CD99: variants seen among roughly 807,000 people sequenced by gnomAD.
CD99 encodes CD99 molecule (Xg blood group), also known as CD99 antigen.
A neutral mutation model predicts 28.4 loss-of-function variants in CD99; 19 were observed. The ratio of observed to expected loss-of-function variants is 0.67; its 90% confidence interval spans 0.47 to 0.98. The LOEUF (loss-of-function observed/expected upper bound fraction) is 0.98, where lower values mean the gene tolerates loss of function less well. CD99 is among the 50% of genes least tolerant of loss of function. The pLI is 0.00. For missense variants in CD99, 283 were observed against 248.8 expected (o/e 1.14, Z -0.92); for synonymous variants, 103 against 92.1 (o/e 1.12, Z -0.67).
At chrX:2,691,535 C>G (rs1456462905) in intron 1 of CD99, 108 bp downstream of exon 1, 3 of 1,248,866 alleles carry the variant, frequency 2.4e-6, no homozygotes, top group Non-Finnish European at 3.4e-6. Flanking sequence ...CACCCGGAGC[C>G]TCCTCCCTGC....
intron 1 of CD99, among the ~76,000 whole-genome samples, chrX:2,705,513 A>G (rs939311326): frequency 2.0e-5 from 3 of 152,176 alleles, no homozygotes; most frequent in Non-Finnish European, 4.4e-5. Context: ...GCGGTTGCAC[A>G]TGGTGTCTTG....
intron 1 of CD99, among the ~76,000 whole-genome samples, chrX:2,693,432 C>G (rs2047427293): frequency 2.0e-5 from 3 of 152,126 alleles, no homozygotes; most frequent in Admixed American, 2.0e-4. Context: ...GCCGTCAGCA[C>G]TGATGGATCT....
intron 1 of CD99, among the ~76,000 whole-genome samples, chrX:2,697,272 C>T (rs781114908): frequency 4.2e-4 from 64 of 152,196 alleles, no homozygotes; most frequent in Non-Finnish European, 7.2e-4. Context: ...TGAATGGTGT[C>T]GTGGGCTGGG....
chrX:2,691,478 G>T (rs765532414), intron 1 of CD99, 51 bp downstream of exon 1: 3 of 1,540,772 alleles, frequency 1.9e-6, no homozygotes, highest in East Asian at 2.4e-5. Context: ...CGCGGGCCGG[G>T]ACTGGGGATC....
intron 1 of CD99, among the ~76,000 whole-genome samples, chrX:2,699,961 A>G (rs1003664509): frequency 1.1e-4 from 16 of 152,294 alleles, no homozygotes; most frequent in Middle Eastern, 3.4e-3. Flanking sequence ...AGCCCTTAAG[A>G]TATTTCTCAT....
chrX:2,695,479 A>G (rs1263774035), intron 1 of CD99, among the ~76,000 whole-genome samples: 3 of 151,898 alleles, frequency 2.0e-5, no homozygotes, highest in Non-Finnish European at 4.4e-5. Flanking sequence ...GGGTGCAATC[A>G]GGGCTCACTA....
chrX:2,716,534 C>G (rs1428002493), intron 2 of CD99, among the ~76,000 whole-genome samples: 3 of 152,036 alleles, frequency 2.0e-5, no homozygotes, highest in Non-Finnish European at 2.9e-5. Flanking sequence ...CTGTGTTGCT[C>G]AGATTGGAGT....
At chrX:2,716,326 A>G (rs2048714587) in intron 2 of CD99, among the ~76,000 whole-genome samples, 1 of 145,188 alleles carries the variant, frequency 6.9e-6, no homozygotes, top group Non-Finnish European at 1.5e-5. Flanking sequence ...CACCCTCTTC[A>G]CTTTTTTATG....
Position 2,719,663 on chromosome X carries a change from G to A in CD99, c.151G>A (p.Asp51Asn). ...TAIPKKPSAGDDFDLGDAVVD... is the reference protein window; with the variant it reads ...TAIPKKPSAGNDFDLGDAVVD... ...AACTGCTCTTTCCCCTCTTTTAGGG[G>A]ATGACTTTGACTTAGGAGATGCTGT... is the stretch of plus-strand genomic sequence containing the variant. The change falls in exon 4 of 10, where the codon GAT (aspartate) becomes AAT (asparagine). Residue 51 changes from aspartate (D) to asparagine (N), a missense_variant and splice_region_variant. By Grantham distance (23) the Asp-to-Asn change is conservative. Coordinates refer to ENST00000381192, the MANE Select transcript of CD99 (RefSeq NM_002414.5). The A allele has an allele frequency of 1.2e-6, 2 of 1,613,840 alleles. No homozygotes were observed. Among genetic ancestry groups the A allele is most frequent in the South Asian group, 1.1e-5 (1 of 91,072 alleles).
chrX:2,705,610 T>C (rs2048076303), intron 1 of CD99, among the ~76,000 whole-genome samples: 1 of 152,196 alleles, frequency 6.6e-6, no homozygotes, highest in Non-Finnish European at 1.5e-5. Context: ...AGAACACTTA[T>C]TCAGAATGGG....
At chrX:2,697,902 A>G (rs1481099116) in intron 1 of CD99, among the ~76,000 whole-genome samples, 1 of 151,888 alleles carries the variant, frequency 6.6e-6, no homozygotes, top group Non-Finnish European at 1.5e-5. Context: ...ATAGCAGGAC[A>G]GGGAGGGATT....
intron 1 of CD99, among the ~76,000 whole-genome samples, chrX:2,712,372 T>A (rs1001788029): frequency 2.6e-5 from 4 of 152,130 alleles, no homozygotes; most frequent in African/African-American, 9.7e-5. Context: ...AGACAGTAGC[T>A]TTGAACTGTT....
At chrX:2,705,916 C>T (rs2124506681) in intron 1 of CD99, among the ~76,000 whole-genome samples, 1 of 152,194 alleles carries the variant, frequency 6.6e-6, no homozygotes, top group East Asian at 1.9e-4. Context: ...GTGCTTGCTC[C>T]AATGTGGAGG....
In CD99 at chrX:2,717,599, C is replaced by A; in HGVS notation, c.101-6C>A. 6.2e-7 allele frequency: 1 copy of A among 1,612,510 alleles called. No homozygotes were observed. The highest frequency in any genetic ancestry group is 8.5e-7 in the Non-Finnish European group (1 of 1,178,552). On this transcript the variant is annotated splice_polypyrimidine_tract_variant and splice_region_variant and intron_variant, in intron 2 of 9. Coordinates refer to ENST00000381192, the MANE Select transcript of CD99 (RefSeq NM_002414.5). ...TTTTACTAACTGAAATATCTTATCT[C>A]TTTAGACAATGAAAACAAGAAACCC...
chrX:2,705,975 C>T (rs1259836086), intron 1 of CD99, among the ~76,000 whole-genome samples: 1 of 151,916 alleles, frequency 6.6e-6, no homozygotes, highest in East Asian at 1.9e-4. Context: ...AGGCTGGGGA[C>T]CCTTCCCGAG....
In CD99 at chrX:2,691,378, G is replaced by C; in HGVS notation, c.18G>C (p.Ala6=). The C allele has an allele frequency of 6.3e-7, 1 of 1,577,690 alleles. No homozygotes were observed. Among genetic ancestry groups the C allele is most frequent in the Non-Finnish European group, 8.5e-7 (1 of 1,171,820 alleles). The change falls in exon 1 of 10, where the codon GCG becomes GCC. Residue 6 remains alanine (A), a synonymous_variant. Coordinates refer to ENST00000381192, the MANE Select transcript of CD99 (RefSeq NM_002414.5). ...GGCGCACCATGGCCCGCGGGGCTGC[G>C]CTGGCGCTGCTGCTCTTCGGCCTGC... MARGA[A]LALLLFGLLG...
intron 8 of CD99, among the ~76,000 whole-genome samples, chrX:2,730,946 AAAG>A (rs1569448073): frequency 1.3e-5 from 2 of 151,368 alleles, no homozygotes; most frequent in African/African-American, 2.4e-5. Context: ...AAAAAAAAAA[AAAG>A]AGAAAGAAAA....
At chrX:2,726,919 G>A (rs2049317852) in intron 8 of CD99, among the ~76,000 whole-genome samples, 1 of 152,164 alleles carries the variant, frequency 6.6e-6, no homozygotes, top group South Asian at 2.1e-4. Flanking sequence ...CGGATCACGA[G>A]GTCAGGAGGA....
At chrX:2,731,435 C>G (rs187553458) in intron 8 of CD99, among the ~76,000 whole-genome samples, 40 of 152,202 alleles carry the variant, frequency 2.6e-4, no homozygotes, top group East Asian at 1.5e-3. Flanking sequence ...ACTAAAAATA[C>G]AAAAATTAGC....
Sources: allele counts gnomAD v4.1 joint callset (sites outside exome capture counted in the v4.1 genomes callset), GRCh38; gene constraint gnomAD v4.1.1; transcripts MANE v1.5; gene names NCBI Gene and HGNC (gene_info 2026-07-23, HGNC 2026-07-21).